Variants in WDR59 observed in about 807,000 individuals in gnomAD.
WDR59 encodes the protein GATOR2 complex protein WDR59.
In WDR59, 100 loss-of-function variants were observed where a neutral mutation model predicts 131.2. That is an observed-to-expected ratio of 0.76 (90% CI 0.65 to 0.90). The LOEUF (loss-of-function observed/expected upper bound fraction) is 0.90, where lower values mean the gene tolerates loss of function less well. Among genes scored for constraint, WDR59 ranks in the 40% least tolerant of loss-of-function variants. The pLI is 0.00. For synonymous variants in WDR59, 601 were observed against 466.2 expected, an observed-to-expected ratio of 1.29 and a Z score of -3.72; for missense variants, 1,203 against 1,262.2, an observed-to-expected ratio of 0.95 and a Z score of 0.71.
chr16:74,949,789 G>C lies in WDR59; in HGVS notation c.336C>G (p.Asp112Glu). Residue 112 changes from aspartate (D) to glutamate (E), a missense_variant, in exon 5 of 26, where the codon GAC becomes GAG. Transcript: ENST00000262144. Reference sequence around the variant, plus strand: ...GGAGGTCAGGCTCAAACACCGCCCAGTCCAAGTCGCTGGGACACAAAGAAT... The same window carrying C: ...GGAGGTCAGGCTCAAACACCGCCCACTCCAAGTCGCTGGGACACAAAGAAT... ...QGHTRVISDL[D>E]WAVFEPDLLV... The C allele has an allele frequency of 6.2e-7, 1 of 1,613,908 alleles. No individual in the cohort carries two copies. The highest frequency in any genetic ancestry group is 8.5e-7 in the Non-Finnish European group (1 of 1,179,874).
chr16:74,981,658 A>ATTTTTT (rs2034430352), intron 1 of WDR59, among the ~76,000 whole-genome samples: 2 of 75,522 alleles, frequency 2.6e-5, no homozygotes, highest in African/African-American at 1.6e-4. Context: ...ATATATATAT[A>ATTTTTT]TATTTTTTTT....
At chr16:74,952,696 A>G (rs954977719) in intron 3 of WDR59, among the ~76,000 whole-genome samples, 4 of 151,596 alleles carry the variant, frequency 2.6e-5, no homozygotes, top group African/African-American at 9.6e-5. Context: ...TGACTTTATG[A>G]AACACACTGA....
intron 18 of WDR59, chr16:74,899,840 T>C: frequency 1.0e-6 from 1 of 975,342 alleles, no homozygotes; most frequent in Non-Finnish European, 1.4e-6. Context: ...AAATGAAAGC[T>C]TCCCACACAT....
At chr16:74,915,721 G>C in intron 13 of WDR59, 149 bp downstream of exon 13, 1 of 1,209,520 alleles carries the variant, frequency 8.3e-7, no homozygotes, top group Non-Finnish European at 1.2e-6. Flanking sequence ...ACCGCGCCTG[G>C]CCAGAAAACC....
intron 3 of WDR59, among the ~76,000 whole-genome samples, chr16:74,953,636 G>A (rs971717407): frequency 3.4e-4 from 51 of 152,232 alleles, no homozygotes; most frequent in African/African-American, 1.2e-3. Flanking sequence ...TCTGATAAAG[G>A]TCTAATATCC....
At chr16:74,894,103 A>G (rs1456095837) in intron 18 of WDR59, among the ~76,000 whole-genome samples, 1 of 152,214 alleles carries the variant, frequency 6.6e-6, no homozygotes, top group Non-Finnish European at 1.5e-5. Flanking sequence ...GAAAACAGCA[A>G]GTAAATAAGT....
At chr16:74,948,193 A>G (rs916366920) in intron 6 of WDR59, among the ~76,000 whole-genome samples, 6 of 152,338 alleles carry the variant, frequency 3.9e-5, no homozygotes, top group African/African-American at 1.4e-4. Context: ...CAGGCAGTTC[A>G]TTTTCTTCTC....
rs939534887 is a variant in WDR59 at position 74,960,659 on chromosome 16, C to A, written c.105-4049G>T. On this transcript the variant is annotated intron_variant, in intron 2 of 25. Coordinates refer to ENST00000262144, the MANE Select transcript of WDR59 (RefSeq NM_030581.4). Reference sequence around the variant, plus strand: ...ACCTGGGAGGCTGAGGCATGAAAATCGCTTGAACCCAGGAAGCAGAGGTGG... The same window carrying A: ...ACCTGGGAGGCTGAGGCATGAAAATAGCTTGAACCCAGGAAGCAGAGGTGG... Among the ~76,000 whole-genome samples the A allele has an allele frequency of 6.0e-5, 9 of 150,416 alleles. No individual in the cohort carries two copies. In the East Asian group the frequency reaches 1.6e-3, roughly 26 times the overall value.
At chr16:74,918,067 G>A (rs1284595642) in intron 10 of WDR59, 59 bp from the exon 11 acceptor site, 4 of 1,552,266 alleles carry the variant, frequency 2.6e-6, no homozygotes, top group Middle Eastern at 1.7e-4. Context: ...CTATTTGCTA[G>A]AGGTTGAAAT....
intron 7 of WDR59, among the ~76,000 whole-genome samples, chr16:74,938,726 A>C (rs2031995367): frequency 6.6e-6 from 1 of 151,846 alleles, no homozygotes; most frequent in Non-Finnish European, 1.5e-5. Context: ...TTTTCTAGAG[A>C]TGGGGTTTTG....
At chr16:74,935,214 A>T (rs898827281) in intron 8 of WDR59, among the ~76,000 whole-genome samples, 1 of 151,884 alleles carries the variant, frequency 6.6e-6, no homozygotes, top group Non-Finnish European at 1.5e-5. Context: ...TGGGCAACAG[A>T]GCAAGACTCT....
At chr16:74,928,561 T>C (rs924179234) in intron 8 of WDR59, among the ~76,000 whole-genome samples, 1 of 152,006 alleles carries the variant, frequency 6.6e-6, no homozygotes, top group African/African-American at 2.4e-5. Context: ...TTACGTGGGA[T>C]AGCTACATTG....
chr16:74,902,868 G>A (rs188971999), intron 18 of WDR59, among the ~76,000 whole-genome samples: 1 of 151,972 alleles, frequency 6.6e-6, no homozygotes, highest in Non-Finnish European at 1.5e-5. Context: ...TAGCCAAGTG[G>A]GCAGAATTCC....
chr16:74,945,655 T>C (rs2145114821), intron 6 of WDR59, among the ~76,000 whole-genome samples: 1 of 152,046 alleles, frequency 6.6e-6, no homozygotes, highest in East Asian at 2.0e-4. Flanking sequence ...GTGGAACTGT[T>C]AAGCACTTAG....
chr16:74,890,614 A>G (rs1055006258), intron 20 of WDR59, among the ~76,000 whole-genome samples: 16 of 152,202 alleles, frequency 1.1e-4, no homozygotes, highest in African/African-American at 3.6e-4. Context: ...GAAGCTAAAA[A>G]GTAACAATAA....
chr16:74,951,683 C>T (rs1946846282), intron 3 of WDR59, 140 bp from the exon 4 acceptor site: 1 of 714,100 alleles, frequency 1.4e-6, no homozygotes, highest in Non-Finnish European at 2.4e-6. Flanking sequence ...CTTTAAAAAG[C>T]CATCAGGAAT....
rs923295826 is a variant in WDR59, at chr16:74,937,608, T to G, written c.651+542A>C. Among the ~76,000 whole-genome samples, 4 of 152,130 alleles carry G rather than the reference T, an allele frequency of 2.6e-5. No individual in the cohort carries two copies. The East Asian group carries it at 7.7e-4, about 29-fold the overall frequency. On this transcript the variant is annotated intron_variant, in intron 8 of 25. Transcript: ENST00000262144. Reference sequence around the variant, plus strand: ...CCTTTGCCTCCCAGGTTCAAGCGATTCTTGTGTCTCAGCCTCCCAAGTAGA... The same window carrying G: ...CCTTTGCCTCCCAGGTTCAAGCGATGCTTGTGTCTCAGCCTCCCAAGTAGA...
At position 74,873,963 on chromosome 16, in the gene WDR59, G is replaced by T; in HGVS notation, c.*246C>A. The T allele has an allele frequency of 2.0e-6, 1 of 507,028 alleles. No homozygotes were observed. The highest frequency in any genetic ancestry group is 2.4e-5 in the South Asian group (1 of 41,316). The allele number at this position is 507,028 out of a possible 1,614,324, so 31.4% of individuals were successfully genotyped here. ...CCACCTTGGTAGCTCAGCCGACATA[G>T]ACAACACACAAAGCGCAGCTCTGCA... is the stretch of plus-strand genomic sequence containing the variant. On this transcript the variant is annotated 3_prime_UTR_variant, in exon 26 of 26. Coordinates refer to ENST00000262144, the MANE Select transcript of WDR59 (RefSeq NM_030581.4).
rs2030973442 is a variant in WDR59, at chr16:74,927,712, AC to A, written c.652-3710del. Reference sequence around the variant, plus strand: ...CACACACACACACACACACACACACACACACAAAACTCAGCTTTCTCATTTT... The same window carrying A: ...CACACACACACACACACACACACACAACACAAAACTCAGCTTTCTCATTTT... On this transcript the variant is annotated intron_variant, in intron 8 of 25. Coordinates refer to ENST00000262144, the MANE Select transcript of WDR59 (RefSeq NM_030581.4). 3.3e-5 allele frequency among the ~76,000 whole-genome samples: 5 copies of A among 151,318 alleles called. No homozygotes were observed. In the South Asian group the frequency reaches 1.1e-3, roughly 32 times the overall value.
Sources: allele counts gnomAD v4.1 joint callset (sites outside exome capture counted in the v4.1 genomes callset), GRCh38; gene constraint gnomAD v4.1.1; transcripts MANE v1.5; gene names NCBI Gene and HGNC (gene_info 2026-07-23, HGNC 2026-07-21).